POTEB3: variants seen among roughly 807,000 people sequenced by gnomAD.
POTEB3 encodes ANKRD26-like family B member 1.
In POTEB3, 5 loss-of-function variants were observed where a neutral mutation model predicts 39.8. The observed-to-expected ratio is 0.13, with a 90% confidence interval of 0.07 to 0.26. POTEB3 has a LOEUF of 0.26. Among genes scored for constraint, POTEB3 ranks in the 10% least tolerant of loss-of-function variants. The probability of loss-of-function intolerance (pLI) is 1.00; values close to 1 mark genes in which losing one functional copy is unlikely to be tolerated. For missense variants in POTEB3, 24 were observed against 475.6 expected (o/e 0.05, Z 8.83); for synonymous variants, 5 against 161.5 (o/e 0.03, Z 7.35).
chr15:21,419,342 A>G (rs1898450660), intron 9 of POTEB3, 122 bp downstream of exon 9: 1 of 124,264 alleles, frequency 8.0e-6, no homozygotes, highest in Non-Finnish European at 1.4e-5. Context: ...TTGTTTACTG[A>G]TTTTCATTTT....
intron 1 of POTEB3, among the ~76,000 whole-genome samples, chr15:21,436,155 TAC>T (rs1899127624): frequency 1.4e-5 from 1 of 72,744 alleles, no homozygotes; most frequent in African/African-American, 4.8e-5. Context: ...TTTCAACTTT[TAC>T]ATTCGGGGAT....
Position 21,419,941 on chromosome 15 carries a change from A to T in POTEB3, c.1243-311T>A, listed in dbSNP as rs1389420588. Among the ~76,000 whole-genome samples, 3 of 120,438 alleles carry T rather than the reference A, an allele frequency of 2.5e-5. 1 individual carries two copies. Among genetic ancestry groups the T allele is most frequent in the African/African-American group, 1.0e-4 (3 of 28,922 alleles). The allele number at this position is 120,438 out of a possible 152,430, so 79.0% of individuals were successfully genotyped here. A position where few individuals can be genotyped will look rare whatever the true frequency, so the allele number is the denominator to read the frequency against. ...CTTTTATTCCCAAAAACTCTTCAGAATCTTATATATGAATTTACCCCATTT... is the reference window on the plus strand; with the variant it reads ...CTTTTATTCCCAAAAACTCTTCAGATTCTTATATATGAATTTACCCCATTT... On this transcript the variant is annotated intron_variant, in intron 8 of 10. Transcript: ENST00000611217.
chr15:21,420,854 T>C lies in POTEB3; in HGVS notation c.1198-136A>G, dbSNP rs1898484703. On this transcript the variant is annotated intron_variant, in intron 7 of 10. Transcript: ENST00000611217. The stretch of plus-strand genomic sequence containing the variant: ...TGAAAAATTAGAAAATAAAATAAAA[T>C]TTAACTTAAAATAATTAAATAAATA... 2 of 170,610 alleles carry C rather than the reference T, an allele frequency of 1.2e-5. 1 individual carries two copies. Among genetic ancestry groups the C allele is most frequent in the Admixed American group, 2.4e-4 (2 of 8,310 alleles). The allele number at this position is 170,610 out of a possible 1,614,324, so 10.6% of individuals were successfully genotyped here. A position where few individuals can be genotyped will look rare whatever the true frequency, so the allele number is the denominator to read the frequency against.
intron 6 of POTEB3, among the ~76,000 whole-genome samples, chr15:21,422,669 G>A (rs1485032113): frequency 1.4e-5 from 2 of 145,584 alleles, no homozygotes; most frequent in Admixed American, 6.8e-5. Flanking sequence ...CCCAGAGCAA[G>A]GTTAAGAAAA....
chr15:21,434,062 C>CACAA (rs1442085183), intron 3 of POTEB3, among the ~76,000 whole-genome samples: 1 of 98,812 alleles, frequency 1.0e-5, no homozygotes, highest in African/African-American at 5.7e-5. Context: ...CACACACACA[C>CACAA]ACAAACAAAA....
At chr15:21,410,148 T>A (rs1358921815) in intron 10 of POTEB3, among the ~76,000 whole-genome samples, 3 of 86,622 alleles carry the variant, frequency 3.5e-5, no homozygotes, top group Non-Finnish European at 6.3e-5. Context: ...AAATAAGATA[T>A]AACTTACAAG....
At chr15:21,426,576 G>A (rs1898721334) in intron 6 of POTEB3, among the ~76,000 whole-genome samples, 2 of 137,928 alleles carry the variant, frequency 1.5e-5, no homozygotes, top group Non-Finnish European at 3.1e-5. Flanking sequence ...TGTAAATTCT[G>A]TTGAAAAAGC....
At chr15:21,434,195 A>G (rs1899099034) in intron 3 of POTEB3, among the ~76,000 whole-genome samples, 1 of 140,086 alleles carries the variant, frequency 7.1e-6, no homozygotes, top group Admixed American at 7.1e-5. Flanking sequence ...GCAATCAGAA[A>G]TATCTTAAGC....
Position 21,434,722 on chromosome 15 carries a change from T to C in POTEB3, c.749A>G (p.Glu250Gly), listed in dbSNP as rs28363950. ...NTALHYAIYNEDKLMAKALLL... is the reference protein window; with the variant it reads ...NTALHYAIYNGDKLMAKALLL... ...CAGTGCTTTGGCCATTAATTTATCTTCATTGTAGATAGCATAGTGTAGAGC... is the reference window on the plus strand; with the variant it reads ...CAGTGCTTTGGCCATTAATTTATCTCCATTGTAGATAGCATAGTGTAGAGC... The change falls in exon 3 of 11, where the codon GAA becomes GGA. Residue 250 changes from glutamate to glycine, a missense_variant. Physicochemically the swap from Glu to Gly is moderately conservative, Grantham distance 98. Transcript: ENST00000611217. 0.012 allele frequency: 890 copies of C among 71,464 alleles called. 1 individual carries two copies. The highest frequency in any genetic ancestry group is 0.033 in the Admixed American group (125 of 3,764). The allele number at this position is 71,464 out of a possible 1,614,324, so 4.4% of individuals were successfully genotyped here.
intron 1 of POTEB3, among the ~76,000 whole-genome samples, chr15:21,436,524 G>C (rs11248653): frequency 3.5e-3 from 487 of 139,828 alleles, no homozygotes; most frequent in East Asian, 0.011. Flanking sequence ...TGCTGTTTAT[G>C]TACCACATTT....
At chr15:21,414,465 T>C (rs201326528) in intron 9 of POTEB3, among the ~76,000 whole-genome samples, 3 of 103,952 alleles carry the variant, frequency 2.9e-5, no homozygotes, top group African/African-American at 1.2e-4. Context: ...AGAAAATTTT[T>C]GGTTAAAGTT....
intron 10 of POTEB3, 93 bp downstream of exon 10, chr15:21,410,785 A>G: frequency 2.7e-6 from 2 of 730,420 alleles, no homozygotes; most frequent in East Asian, 5.0e-5. Flanking sequence ...GTGTGTATAT[A>G]TATGATTTAA....
At chr15:21,419,892 A>G (rs1386011650) in intron 8 of POTEB3, among the ~76,000 whole-genome samples, 1 of 136,532 alleles carries the variant, frequency 7.3e-6, no homozygotes, top group African/African-American at 2.9e-5. Context: ...CCAAAATTCA[A>G]AAAGGGCCCT....
chr15:21,420,901 A>T lies in POTEB3; in HGVS notation c.1198-183T>A, dbSNP rs1288116601. Among the ~76,000 whole-genome samples the T allele has an allele frequency of 3.4e-5, 2 of 59,562 alleles. 1 individual carries two copies. Among genetic ancestry groups the T allele is most frequent in the Non-Finnish European group, 6.8e-5 (2 of 29,366 alleles). 39.1% of individuals were successfully genotyped at this position (59,562 alleles called of 152,430 possible). A position where few individuals can be genotyped will look rare whatever the true frequency, so the allele number is the denominator to read the frequency against. ...AATAAATAATTAAAATTAAGAATTA[A>T]CTTTTTAATCTATGTTTAGCTACTG... On this transcript the variant is annotated intron_variant, in intron 7 of 10. Transcript: ENST00000611217.
At chr15:21,417,507 G>T (rs1253779999) in intron 9 of POTEB3, among the ~76,000 whole-genome samples, 1 of 73,142 alleles carries the variant, frequency 1.4e-5, no homozygotes, top group Non-Finnish European at 2.4e-5. Context: ...CATTAAAAAT[G>T]CCAGACCAAG....
intron 3 of POTEB3, among the ~76,000 whole-genome samples, chr15:21,433,879 A>G (rs1899076462): frequency 1.3e-5 from 2 of 151,392 alleles, no homozygotes; most frequent in African/African-American, 4.9e-5. Flanking sequence ...ATTCACTGCC[A>G]ATCTGGTTCC....
At chr15:21,433,629 C>T (rs1226549650) in intron 3 of POTEB3, among the ~76,000 whole-genome samples, 2 of 149,208 alleles carry the variant, frequency 1.3e-5, no homozygotes, top group African/African-American at 2.5e-5. Context: ...GAGAGAGACT[C>T]ATTTGCTGAA....
At chr15:21,433,623 G>C (rs1331389299) in intron 3 of POTEB3, among the ~76,000 whole-genome samples, 163 of 149,572 alleles carry the variant, frequency 1.1e-3, no homozygotes, top group Middle Eastern at 3.5e-3. Flanking sequence ...GAGTAGGAGA[G>C]AGACTCATTT....
Position 21,410,737 on chromosome 15 carries a change from G to A in POTEB3, c.1533+141C>T, listed in dbSNP as rs1395299580. 10 of 523,462 alleles carry A rather than the reference G, an allele frequency of 1.9e-5. No homozygotes were observed. In the African/African-American group the frequency reaches 7.4e-4, roughly 39 times the overall value. 32.4% of individuals were successfully genotyped at this position (523,462 alleles called of 1,614,324 possible). A position where few individuals can be genotyped will look rare whatever the true frequency, so the allele number is the denominator to read the frequency against. ...AAGGATATACAGGGGGTGTGTGTGTGTGTGTGTATATATACACACACACAG... is the reference window on the plus strand; with the variant it reads ...AAGGATATACAGGGGGTGTGTGTGTATGTGTGTATATATACACACACACAG... On this transcript the variant is annotated intron_variant, in intron 10 of 10. Transcript: ENST00000611217.
Sources: allele counts gnomAD v4.1 joint callset (sites outside exome capture counted in the v4.1 genomes callset), GRCh38; gene constraint gnomAD v4.1.1; transcripts MANE v1.5; gene names NCBI Gene and HGNC (gene_info 2026-07-23, HGNC 2026-07-21).